Variants in CSMD2 observed in about 807,000 individuals in gnomAD.
CSMD2 encodes CUB and sushi domain-containing protein 2.
In CSMD2, 130 loss-of-function variants were observed where a neutral mutation model predicts 398.5. That is an observed-to-expected ratio of 0.33 (90% CI 0.28 to 0.38). The LOEUF (loss-of-function observed/expected upper bound fraction) is 0.38. Among genes scored for constraint, CSMD2 ranks in the 10% least tolerant of loss-of-function variants. The pLI is 1.00. For synonymous variants in CSMD2, 1,828 were observed against 1,908.5 expected (o/e 0.96, Z 1.10); for missense variants, 3,829 against 4,764.9 (o/e 0.80, Z 5.78).
At chr1:34,129,758 G>A (rs7530924) in intron 1 of CSMD2, among the ~76,000 whole-genome samples, 3 of 152,198 alleles carry the variant, frequency 2.0e-5, no homozygotes, top group Admixed American at 1.3e-4. Context: ...GGCCTCCGCC[G>A]CTCTGACTGG....
chr1:33,943,234 G>A (rs1372891986), intron 3 of CSMD2, among the ~76,000 whole-genome samples: 7 of 152,188 alleles, frequency 4.6e-5, no homozygotes, highest in Non-Finnish European at 5.9e-5. Context: ...CCATCAGTAC[G>A]AATTAAAGCT....
At chr1:34,074,137 C>T (rs1393670329) in intron 2 of CSMD2, among the ~76,000 whole-genome samples, 3 of 152,230 alleles carry the variant, frequency 2.0e-5, no homozygotes, top group African/African-American at 7.2e-5. Context: ...CCACCTCCCA[C>T]ATTGGAGATT....
chr1:33,671,624 G>A (rs1311810525), intron 25 of CSMD2, among the ~76,000 whole-genome samples: 1 of 152,072 alleles, frequency 6.6e-6, no homozygotes, highest in East Asian at 1.9e-4. Context: ...CTAGCTAAGG[G>A]TGGACCCACC....
chr1:34,106,444 TG>T (rs1660534693), intron 1 of CSMD2, among the ~76,000 whole-genome samples: 1 of 152,148 alleles, frequency 6.6e-6, no homozygotes, highest in Non-Finnish European at 1.5e-5. Context: ...GTTTAAAACA[TG>T]TTCAAGGTCA....
intron 13 of CSMD2, among the ~76,000 whole-genome samples, chr1:33,765,333 AAAC>A (rs1419992118): frequency 3.3e-5 from 5 of 152,238 alleles, no homozygotes; most frequent in Non-Finnish European, 2.9e-5. Context: ...ACACATTATA[AAAC>A]AACAATTAAA....
chr1:33,853,582 C>T (rs150508370), intron 5 of CSMD2, among the ~76,000 whole-genome samples: 1,539 of 150,832 alleles, frequency 0.01, 32 homozygotes, highest in African/African-American at 0.035. Context: ...GACTTGGCAA[C>T]AAACCCAACT....
intron 20 of CSMD2, among the ~76,000 whole-genome samples, chr1:33,715,280 A>T (rs1571320060): frequency 6.6e-6 from 1 of 151,828 alleles, no homozygotes; most frequent in Admixed American, 6.6e-5. Context: ...GCCTCAGGCA[A>T]CTCCCACTGG....
In CSMD2 at chr1:34,147,314, C is replaced by T. The variant is rs376892128; in HGVS notation, c.187+17597G>A. Among the ~76,000 whole-genome samples the T allele has an allele frequency of 2.0e-3, 307 of 152,110 alleles. 1 individual carries two copies. Among genetic ancestry groups the T allele is most frequent in the African/African-American group, 7.1e-3 (293 of 41,496 alleles). On this transcript the variant is annotated intron_variant, in intron 1 of 70. Transcript: ENST00000373381. Reference sequence around the variant, plus strand: ...AAAGAATAAAAAGAGAAGGTCAAGGCAAATGCTGGAAGCTCCAATATTAAA... The same window carrying T: ...AAAGAATAAAAAGAGAAGGTCAAGGTAAATGCTGGAAGCTCCAATATTAAA...
At chr1:33,768,478 G>A (rs536621741) in intron 13 of CSMD2, among the ~76,000 whole-genome samples, 1 of 151,974 alleles carries the variant, frequency 6.6e-6, no homozygotes, top group Admixed American at 6.6e-5. Flanking sequence ...ATGGTCCATG[G>A]GAGAGACCAG....
intron 29 of CSMD2, among the ~76,000 whole-genome samples, chr1:33,638,004 A>G (rs1426719300): frequency 6.6e-6 from 1 of 152,098 alleles, no homozygotes; most frequent in African/African-American, 2.4e-5. Context: ...GATGGGATGG[A>G]ACTCTGAGAG....
rs924184537 is a variant in CSMD2, at chr1:33,533,683, G to A, written c.9991+113C>T. ...TAAGGACTACAAAGAGACCGATGTC[G>A]GTTCGCATGGGGAGTTGTGAACTCC... On this transcript the variant is annotated intron_variant, in intron 63 of 70. Transcript: ENST00000373381. This position sits in a 1 kb window ranked among gnomAD's most constrained non-coding sequence, Gnocchi z 4.2. 4 of 687,064 alleles carry A rather than the reference G, an allele frequency of 5.8e-6. No individual in the cohort carries two copies. Among genetic ancestry groups the A allele is most frequent in the East Asian group, 2.7e-5 (1 of 37,298 alleles). The allele number at this position is 687,064 out of a possible 1,614,324, so 42.6% of individuals were successfully genotyped here.
intron 25 of CSMD2, among the ~76,000 whole-genome samples, chr1:33,677,032 T>C (rs1223920026): frequency 6.6e-6 from 1 of 152,200 alleles, no homozygotes; most frequent in African/African-American, 2.4e-5. Context: ...GGCAATACCA[T>C]GCAGGACATA....
intron 11 of CSMD2, among the ~76,000 whole-genome samples, chr1:33,791,467 T>C (rs566598037): frequency 1.3e-5 from 2 of 152,264 alleles, no homozygotes; most frequent in African/African-American, 4.8e-5. Flanking sequence ...CCACATGTCC[T>C]GAGCAGAAGC....
At chr1:33,918,340 G>C (rs1432641589) in intron 4 of CSMD2, 39 bp from the exon 5 acceptor site, 2 of 1,581,798 alleles carry the variant, frequency 1.3e-6, no homozygotes, top group Admixed American at 1.7e-5. Context: ...TGAGTAGTCT[G>C]GTTTTCAAGC....
chr1:33,840,560 A>G (rs755856929), intron 6 of CSMD2, among the ~76,000 whole-genome samples: 4 of 152,238 alleles, frequency 2.6e-5, no homozygotes, highest in Non-Finnish European at 5.9e-5. Flanking sequence ...TGAACCAGGC[A>G]CACAGAAGTT....
intron 7 of CSMD2, among the ~76,000 whole-genome samples, chr1:33,824,648 T>C (rs1461501952): frequency 1.3e-5 from 2 of 149,782 alleles, no homozygotes; most frequent in African/African-American, 4.9e-5. Flanking sequence ...TCCAGGAAAG[T>C]GAGCACATGG....
chr1:33,813,421 G>T (rs1423205433), intron 9 of CSMD2, among the ~76,000 whole-genome samples: 1 of 152,142 alleles, frequency 6.6e-6, no homozygotes, highest in Non-Finnish European at 1.5e-5. Context: ...CAGATAGAAA[G>T]TTCATCACAG....
chr1:33,790,657 GTCTGTCTA>G (rs1473356229), intron 11 of CSMD2, among the ~76,000 whole-genome samples: 15 of 120,374 alleles, frequency 1.2e-4, no homozygotes, highest in African/African-American at 3.3e-4. Flanking sequence ...TTTGCTGTTT[GTCTGTCTA>G]TCTATCTATC....
At position 33,557,803 on chromosome 1, in the gene CSMD2, G is replaced by A; in HGVS notation, c.8674C>T (p.Leu2892Phe). 9.1e-6 allele frequency: 14 copies of A among 1,536,122 alleles called. No individual in the cohort carries two copies. Among genetic ancestry groups the A allele is most frequent in the Non-Finnish European group, 1.2e-5 (14 of 1,146,914 alleles). Residue 2892 changes from leucine to phenylalanine, a missense_variant, in exon 55 of 71, where the codon CTC becomes TTC. Coordinates refer to ENST00000373381, the MANE Select transcript of CSMD2 (RefSeq NM_001281956.2). ...VSYRCNHGFY[L>F]LGTPVLSCQG... ...CAGCTGAGCACTGGGGTGCCCAGGAGGTAGAAGCCGTGGTTGCACCGGTAA... is the reference window on the plus strand; with the variant it reads ...CAGCTGAGCACTGGGGTGCCCAGGAAGTAGAAGCCGTGGTTGCACCGGTAA...
Sources: gnomAD v4.1 joint callset for allele counts (sites outside exome capture counted in the v4.1 genomes callset) on GRCh38, gnomAD v4.1.1 for gene constraint, Gnocchi (gnomAD v3.1) non-coding constraint, MANE v1.5 for transcripts, NCBI Gene and HGNC (gene_info 2026-07-23, HGNC 2026-07-21) for gene names.